The following ADAMTS17 variants were observed in gnomAD, a reference collection of about 807,000 sequenced individuals.
The protein encoded by ADAMTS17 is A disintegrin and metalloproteinase with thrombospondin motifs 17.
Under a neutral mutation model 141.5 loss-of-function variants are expected in ADAMTS17, and 113 were observed. That is an observed-to-expected ratio of 0.80 (90% CI 0.69 to 0.93). The LOEUF (loss-of-function observed/expected upper bound fraction) is 0.93. ADAMTS17 is among the 40% of genes least tolerant of loss of function. The pLI is 0.00. For missense variants in ADAMTS17, 1,659 were observed against 1,517.9 expected (o/e 1.09, Z -1.54); for synonymous variants, 768 against 630.6 (o/e 1.22, Z -3.27).
intron 8 of ADAMTS17, among the ~76,000 whole-genome samples, chr15:100,182,225 C>A (rs1028021194): frequency 1.3e-5 from 2 of 152,156 alleles, no homozygotes; most frequent in African/African-American, 4.8e-5. Flanking sequence ...AAAGGGGAAG[C>A]AAGGACCTTT....
chr15:99,977,203 T>C (rs2060353454), intron 20 of ADAMTS17, among the ~76,000 whole-genome samples: 2 of 150,722 alleles, frequency 1.3e-5, no homozygotes, highest in Admixed American at 1.3e-4. Flanking sequence ...GATTTAGACA[T>C]CCCTGGCTGC....
At chr15:99,982,377 A>G (rs1163088081) in intron 20 of ADAMTS17, among the ~76,000 whole-genome samples, 1 of 152,128 alleles carries the variant, frequency 6.6e-6, no homozygotes, top group Non-Finnish European at 1.5e-5. Flanking sequence ...TGAGTTGATC[A>G]GGCAGCCAGA....
At chr15:100,219,572 A>C (rs2042069615) in intron 7 of ADAMTS17, among the ~76,000 whole-genome samples, 1 of 152,164 alleles carries the variant, frequency 6.6e-6, no homozygotes, top group Admixed American at 6.5e-5. Flanking sequence ...TCTCAAACCC[A>C]GTGTTTGATC....
rs141306868 is a variant in ADAMTS17, at chr15:100,051,637, G to A, written c.2390C>T (p.Pro797Leu). 94 of 1,614,154 alleles carry A rather than the reference G, an allele frequency of 5.8e-5. 1 individual carries two copies. The African/African-American group carries it at 1.0e-3, about 18-fold the overall frequency. The stretch of plus-strand genomic sequence containing the variant: ...GGTCCAGATGAACAAAGAGTCCTGC[G>A]GTTTTTCTGGTTCGCTTTGATTTTC... ...TAENQSEPEKPQDSLFIWTHS... is the reference protein window; with the variant it reads ...TAENQSEPEKLQDSLFIWTHS... Residue 797 changes from proline to leucine, a missense_variant, in exon 17 of 22, where the codon CCG (proline) becomes CTG (leucine). Transcript: ENST00000268070.
intron 15 of ADAMTS17, chr15:100,074,307 C>T (rs2034210054): frequency 6.6e-6 from 1 of 152,162 alleles, no homozygotes; most frequent in Non-Finnish European, 1.5e-5. Context: ...CAGTGTTTTG[C>T]TGTTGAATAT....
intron 8 of ADAMTS17, among the ~76,000 whole-genome samples, chr15:100,157,588 C>T (rs866046526): frequency 1.1e-4 from 17 of 152,244 alleles, no homozygotes; most frequent in Middle Eastern, 3.4e-3. Flanking sequence ...CCAACTCACC[C>T]TATTTTCTCA....
At chr15:100,222,441 C>T (rs1039656945) in intron 7 of ADAMTS17, among the ~76,000 whole-genome samples, 8 of 152,300 alleles carry the variant, frequency 5.3e-5, no homozygotes, top group African/African-American at 1.7e-4. Flanking sequence ...TCTGAAAACC[C>T]GGGCAGCCCT....
chr15:100,256,222 C>T (rs2043322281), intron 6 of ADAMTS17, among the ~76,000 whole-genome samples: 1 of 152,320 alleles, frequency 6.6e-6, no homozygotes, highest in Non-Finnish European at 1.5e-5. Context: ...ACTTGGCTCC[C>T]AGCGCCTACA....
chr15:100,169,004 C>T (rs557927283), intron 8 of ADAMTS17, among the ~76,000 whole-genome samples: 1 of 152,270 alleles, frequency 6.6e-6, no homozygotes, highest in African/African-American at 2.4e-5. Context: ...GTGGCCAGCG[C>T]GGTGGTGGTG....
intron 7 of ADAMTS17, among the ~76,000 whole-genome samples, chr15:100,211,911 T>C (rs530527572): frequency 1.3e-5 from 2 of 152,214 alleles, no homozygotes; most frequent in Middle Eastern, 6.8e-3. Context: ...ATATTGGCCA[T>C]TTTAGGAAGT....
intron 15 of ADAMTS17, among the ~76,000 whole-genome samples, chr15:100,056,999 A>C (rs1276227092): frequency 6.6e-6 from 1 of 151,980 alleles, no homozygotes; most frequent in East Asian, 1.9e-4. Flanking sequence ...TGAGCGTGTA[A>C]GACAGGGAGA....
chr15:99,986,233 C>G (rs765749408), intron 20 of ADAMTS17, among the ~76,000 whole-genome samples: 44 of 152,374 alleles, frequency 2.9e-4, no homozygotes, highest in Middle Eastern at 3.4e-3. Flanking sequence ...CTGTCTGTAA[C>G]TACCCTCTCG....
At chr15:100,243,521 G>A (rs534838162) in intron 7 of ADAMTS17, among the ~76,000 whole-genome samples, 256 of 152,322 alleles carry the variant, frequency 1.7e-3, no homozygotes, top group Non-Finnish European at 3.1e-3. Context: ...TGGGTGCCAT[G>A]GCTCACGCCA....
At chr15:100,203,445 G>A (rs1167101286) in intron 7 of ADAMTS17, among the ~76,000 whole-genome samples, 3 of 152,196 alleles carry the variant, frequency 2.0e-5, no homozygotes, top group African/African-American at 4.8e-5. Context: ...GGTGGCCCAC[G>A]CCTGTAATCC....
rs577779032 is a variant in ADAMTS17, at chr15:99,994,188, C to T, written c.2797-988G>A. ...GGCCCTGGGAGCCCTGTCCCTGACA[C>T]AGGCGTAAACATATAACTTGGAAAG... On this transcript the variant is annotated intron_variant, in intron 19 of 21. Coordinates refer to ENST00000268070, the MANE Select transcript of ADAMTS17 (RefSeq NM_139057.4). Among the ~76,000 whole-genome samples the T allele has an allele frequency of 3.3e-5, 5 of 152,318 alleles. No homozygotes were observed. The South Asian group carries it at 1.0e-3, about 32-fold the overall frequency.
intron 18 of ADAMTS17, among the ~76,000 whole-genome samples, chr15:100,022,391 G>A (rs1187743842): frequency 6.6e-6 from 1 of 152,146 alleles, no homozygotes; most frequent in Non-Finnish European, 1.5e-5. Context: ...GAGAAAGTTC[G>A]TATTAATGTT....
intron 18 of ADAMTS17, among the ~76,000 whole-genome samples, chr15:100,007,249 G>A (rs982720782): frequency 4.0e-4 from 61 of 152,278 alleles, no homozygotes; most frequent in African/African-American, 1.4e-3. Flanking sequence ...TCCAGGAGGT[G>A]GAGGGACTGT....
At position 100,151,508 on chromosome 15, in the gene ADAMTS17, A is replaced by G. The variant is rs555379916; in HGVS notation, c.1473+1104T>C. Among the ~76,000 whole-genome samples, 9 of 152,218 alleles carry G rather than the reference A, an allele frequency of 5.9e-5. No homozygotes were observed. The South Asian group carries it at 1.9e-3, about 32-fold the overall frequency. The stretch of plus-strand genomic sequence containing the variant: ...CCTGTGTGCTTTGGTGCTGCTCCCG[A>G]GTGCTTGCTCCAGGAACCTGCCCAG... On this transcript the variant is annotated intron_variant, in intron 10 of 21. Transcript: ENST00000268070.
intron 18 of ADAMTS17, among the ~76,000 whole-genome samples, chr15:100,007,326 T>C (rs1197619257): frequency 6.6e-6 from 1 of 152,058 alleles, no homozygotes; most frequent in Non-Finnish European, 1.5e-5. Flanking sequence ...GAGGTGGCCT[T>C]TGGTACACTC....
Sources: allele counts gnomAD v4.1 joint callset (sites outside exome capture counted in the v4.1 genomes callset), GRCh38; gene constraint gnomAD v4.1.1; transcripts MANE v1.5; gene names NCBI Gene and HGNC (gene_info 2026-07-23, HGNC 2026-07-21).